The following KIAA0513 variants were observed in gnomAD, a reference collection of about 807,000 sequenced individuals.
The protein encoded by KIAA0513 is KIAA0513, also known as uncharacterized protein KIAA0513.
Under a neutral mutation model 56.5 loss-of-function variants are expected in KIAA0513, and 39 were observed. The ratio of observed to expected loss-of-function variants is 0.69; its 90% CI spans 0.53 to 0.90. The LOEUF is 0.90. KIAA0513 is among the 40% of genes least tolerant of loss of function. The probability of loss-of-function intolerance (pLI) is 0.00; values close to 1 mark genes in which losing one functional copy is unlikely to be tolerated. For missense variants in KIAA0513, 591 were observed against 535.2 expected (o/e 1.10, Z -1.03); for synonymous variants, 268 against 215.6 (o/e 1.24, Z -2.13).
chr16:85,077,011 ACTC>A (rs1374954457), intron 5 of KIAA0513, among the ~76,000 whole-genome samples: 2 of 148,122 alleles, frequency 1.4e-5, no homozygotes, highest in Non-Finnish European at 3.0e-5. Context: ...TGCTGCCCAG[ACTC>A]CTCCTCCAGG....
At position 85,081,253 on chromosome 16, in the gene KIAA0513, C is replaced by T. The variant is rs1208967027; in HGVS notation, c.903-62C>T. The T allele has an allele frequency of 1.3e-6, 2 of 1,491,962 alleles. No individual in the cohort carries two copies. The highest frequency in any genetic ancestry group is 1.9e-6 in the Non-Finnish European group (2 of 1,070,368). 92.4% of individuals were successfully genotyped at this position (1,491,962 alleles called of 1,614,324 possible). Reference sequence around the variant, plus strand: ...TGCCCTTGTTTATCCCTCAAGGGGCCCACAACCCGTGTCCTCCCCGCCTCC... The same window carrying T: ...TGCCCTTGTTTATCCCTCAAGGGGCTCACAACCCGTGTCCTCCCCGCCTCC... On this transcript the variant is annotated intron_variant, in intron 8 of 12. Coordinates refer to ENST00000683363, the MANE Select transcript of KIAA0513 (RefSeq NM_001388359.1). The surrounding 1 kb of genome is among the most constrained non-coding windows in gnomAD (Gnocchi z 4.4).
chr16:85,073,705 C>T (rs903760994), intron 4 of KIAA0513, among the ~76,000 whole-genome samples: 3 of 152,218 alleles, frequency 2.0e-5, no homozygotes, highest in African/African-American at 7.2e-5. Context: ...GACCCGGAGC[C>T]TCGAGAGGAG....
rs1183216356 is a variant in KIAA0513 at position 85,033,883 on chromosome 16, C to T, written c.-173+6025C>T. Among the ~76,000 whole-genome samples, 3 of 152,306 alleles carry T rather than the reference C, an allele frequency of 2.0e-5. No individual in the cohort carries two copies. The East Asian group carries it at 5.8e-4, about 29-fold the overall frequency. ...AGTTTGTCTCTCCCTGCCCCACCCC[C>T]CACTTCCCAGTTACCCTCCCCAGTG... On this transcript the variant is annotated intron_variant, in intron 1 of 12. Coordinates refer to ENST00000683363, the MANE Select transcript of KIAA0513 (RefSeq NM_001388359.1).
intron 1 of KIAA0513, among the ~76,000 whole-genome samples, chr16:85,042,256 C>A (rs2073113118): frequency 6.6e-6 from 1 of 152,206 alleles, no homozygotes; most frequent in African/African-American, 2.4e-5. Context: ...TAGAGAAGTT[C>A]AAATGCTTTG....
chr16:85,035,044 G>C (rs1013470004), intron 1 of KIAA0513, among the ~76,000 whole-genome samples: 4 of 152,118 alleles, frequency 2.6e-5, no homozygotes, highest in African/African-American at 9.7e-5. Context: ...CCCTTCCCCA[G>C]GCCGAGCCGT....
chr16:85,047,380 G>A (rs755907839), intron 1 of KIAA0513, among the ~76,000 whole-genome samples: 3 of 152,124 alleles, frequency 2.0e-5, no homozygotes, highest in African/African-American at 4.8e-5. Flanking sequence ...AGCACTTTCC[G>A]GTTTCCTGGG....
At chr16:85,079,891 A>G (rs2073717311) in intron 8 of KIAA0513, 1 of 152,280 alleles carries the variant, frequency 6.6e-6, no homozygotes, top group Non-Finnish European at 1.5e-5. Context: ...GCCCTGGCAT[A>G]TGGCCTGGCT....
Position 85,086,656 on chromosome 16 carries a change from C to T in KIAA0513, c.1023C>T (p.Cys341=). The T allele has an allele frequency of 6.2e-7, 1 of 1,613,840 alleles. No homozygotes were observed. Among genetic ancestry groups the T allele is most frequent in the Non-Finnish European group, 8.5e-7 (1 of 1,179,984 alleles). The change falls in exon 11 of 13, where the codon TGC becomes TGT. Residue 341 remains cysteine, a synonymous_variant. Transcript: ENST00000683363. The part of the protein sequence containing the change: ...GEEEEKREKW[C]HMTQEERDDS... ...CCTGTGCTTGCAGGGAGAAGTGGTG[C>T]CACATGACCCAGGAGGAGCGCGACG...
In KIAA0513 at chr16:85,036,392, C is replaced by T. The variant is rs1042168029; in HGVS notation, c.-173+8534C>T. ...AATCCAGTTTCTGACTCTGTGGATT[C>T]GCCTGCTCTGGACATTTCGTAAACC... On this transcript the variant is annotated intron_variant, in intron 1 of 12. Transcript: ENST00000683363. Among the ~76,000 whole-genome samples, 6 of 152,188 alleles carry T rather than the reference C, an allele frequency of 3.9e-5. No homozygotes were observed. The South Asian group carries it at 8.3e-4, about 21-fold the overall frequency.
At chr16:85,078,308 C>A (rs1011498055) in intron 6 of KIAA0513, 107 bp from the exon 7 acceptor site, 2 of 1,151,610 alleles carry the variant, frequency 1.7e-6, no homozygotes, top group Admixed American at 2.0e-5. Context: ...CAGAGCAAGC[C>A]GTATTAAATG....
chr16:85,054,315 A>T (rs2073296876), intron 1 of KIAA0513, among the ~76,000 whole-genome samples: 1 of 152,242 alleles, frequency 6.6e-6, no homozygotes, highest in Admixed American at 6.5e-5. Context: ...TAAGCAAAAT[A>T]AATTGGTTAA....
Position 85,075,873 on chromosome 16 carries a change from C to T in KIAA0513, c.533C>T (p.Ala178Val), listed in dbSNP as rs1260467644. The T allele has an allele frequency of 1.9e-6, 3 of 1,614,142 alleles. No homozygotes were observed. The highest frequency in any genetic ancestry group is 2.2e-5 in the South Asian group (2 of 91,080). Reference sequence around the variant, plus strand: ...CATCAGATGGATGACTTTGGGCCTGCCAAGAACCTCATGACCATGTGCTTC... The same window carrying T: ...CATCAGATGGATGACTTTGGGCCTGTCAAGAACCTCATGACCATGTGCTTC... ...ECHQMDDFGP[A>V]KNLMTMCFTY... The change falls in exon 5 of 13, where the codon GCC (alanine) becomes GTC (valine). Residue 178 changes from alanine to valine, a missense_variant. By Grantham distance (64) the Ala-to-Val change is moderately conservative. Coordinates refer to ENST00000683363, the MANE Select transcript of KIAA0513 (RefSeq NM_001388359.1).
At chr16:85,056,975 A>C (rs976054161) in intron 1 of KIAA0513, among the ~76,000 whole-genome samples, 5 of 152,136 alleles carry the variant, frequency 3.3e-5, no homozygotes, top group African/African-American at 1.2e-4. Flanking sequence ...AAAGGGCTGG[A>C]ATTACAGGCA....
intron 1 of KIAA0513, among the ~76,000 whole-genome samples, chr16:85,049,727 C>T (rs1346610395): frequency 6.6e-6 from 1 of 152,202 alleles, no homozygotes; most frequent in African/African-American, 2.4e-5. Flanking sequence ...GCTTCCTGCC[C>T]AGCCTGTAGA....
chr16:85,069,295 C>A (rs996803702), intron 2 of KIAA0513, among the ~76,000 whole-genome samples: 1 of 151,762 alleles, frequency 6.6e-6, no homozygotes, highest in African/African-American at 2.4e-5. Flanking sequence ...ACCACAGCCT[C>A]AAACTTCTGG....
intron 1 of KIAA0513, among the ~76,000 whole-genome samples, chr16:85,035,083 G>C (rs1167285115): frequency 6.6e-6 from 1 of 152,028 alleles, no homozygotes; most frequent in Non-Finnish European, 1.5e-5. Flanking sequence ...TCAGCCCTCT[G>C]ATTTCCACCT....
At chr16:85,065,415 G>T (rs2073465700) in intron 1 of KIAA0513, among the ~76,000 whole-genome samples, 1 of 152,216 alleles carries the variant, frequency 6.6e-6, no homozygotes. Context: ...AAGTTCTACT[G>T]AGCTGAGGTT....
chr16:85,066,105 A>T (rs749903157), intron 1 of KIAA0513, among the ~76,000 whole-genome samples: 11 of 152,222 alleles, frequency 7.2e-5, no homozygotes, highest in Non-Finnish European at 1.5e-4. Context: ...AAGCAGGATG[A>T]TGAATGAGGC....
At chr16:85,082,432 T>C (rs1318228823) in intron 9 of KIAA0513, 132 bp from the exon 10 acceptor site, 2 of 819,912 alleles carry the variant, frequency 2.4e-6, no homozygotes, top group Non-Finnish European at 2.0e-6. Flanking sequence ...ATTTCGAATA[T>C]TCCTGTCTTT....
Sources: allele counts gnomAD v4.1 joint callset (sites outside exome capture counted in the v4.1 genomes callset), GRCh38; gene constraint gnomAD v4.1.1; non-coding constraint Gnocchi (gnomAD v3.1); transcripts MANE v1.5; gene names NCBI Gene and HGNC (gene_info 2026-07-23, HGNC 2026-07-21).